Variants in RANBP9 observed in about 807,000 individuals in gnomAD.
RANBP9 encodes RAN binding protein 9.
Under a neutral mutation model 84.3 loss-of-function variants are expected in RANBP9, and 15 were observed. The observed-to-expected ratio is 0.18, with a 90% confidence interval of 0.12 to 0.27. The LOEUF is 0.27. Among genes scored for constraint, RANBP9 ranks in the 10% least tolerant of loss-of-function variants. RANBP9 has a pLI of 1.00. For synonymous variants in RANBP9, 392 were observed against 349.6 expected (o/e 1.12, Z -1.35); for missense variants, 809 against 912.8 (o/e 0.89, Z 1.46).
chr6:13,681,672 T>C (rs1376188146), intron 2 of RANBP9, among the ~76,000 whole-genome samples: 1 of 152,190 alleles, frequency 6.6e-6, no homozygotes, highest in Non-Finnish European at 1.5e-5. Context: ...CCCATCCCCA[T>C]TTAACCACTT....
At chr6:13,691,044 GT>G (rs1274123788) in intron 2 of RANBP9, among the ~76,000 whole-genome samples, 1 of 151,756 alleles carries the variant, frequency 6.6e-6, no homozygotes, top group Non-Finnish European at 1.5e-5. Flanking sequence ...GGGCATACCT[GT>G]AATCCCAGCT....
chr6:13,647,786 G>A (rs967160106), intron 5 of RANBP9, among the ~76,000 whole-genome samples: 6 of 152,068 alleles, frequency 3.9e-5, no homozygotes, highest in African/African-American at 1.2e-4. Context: ...GTAATATTAA[G>A]TCAGTTTTGG....
At chr6:13,652,619 G>A (rs752713382) in intron 5 of RANBP9, 40 bp downstream of exon 5, 2 of 1,520,052 alleles carry the variant, frequency 1.3e-6, no homozygotes, top group Non-Finnish European at 1.8e-6. Flanking sequence ...TATACTTCCT[G>A]TAATTAAAAA....
At chr6:13,705,393 C>A (rs1387646157) in intron 1 of RANBP9, among the ~76,000 whole-genome samples, 1 of 83,898 alleles carries the variant, frequency 1.2e-5, no homozygotes, top group Non-Finnish European at 2.1e-5. Context: ...GGCGACAGAG[C>A]AAGATTCTGT....
At chr6:13,697,646 C>T (rs180671771) in intron 1 of RANBP9, among the ~76,000 whole-genome samples, 52 of 152,310 alleles carry the variant, frequency 3.4e-4, no homozygotes, top group African/African-American at 5.1e-4. Context: ...ACAATCACTT[C>T]CCCTACCTCT....
intron 5 of RANBP9, among the ~76,000 whole-genome samples, chr6:13,647,509 C>A (rs1008120016): frequency 2.0e-5 from 3 of 152,072 alleles, no homozygotes; most frequent in Non-Finnish European, 2.9e-5. Flanking sequence ...ATGTCCTATA[C>A]ACACTAAAGC....
intron 2 of RANBP9, 129 bp downstream of exon 2, chr6:13,696,656 T>G (rs1757838713): frequency 2.9e-6 from 2 of 695,002 alleles, no homozygotes; most frequent in South Asian, 4.1e-5. Context: ...TCTGTTATAC[T>G]GAAATATTCA....
chr6:13,636,181 A>G (rs991601211), intron 10 of RANBP9, among the ~76,000 whole-genome samples: 3 of 152,172 alleles, frequency 2.0e-5, no homozygotes, highest in Non-Finnish European at 2.9e-5. Flanking sequence ...GGGAAAAAGC[A>G]CAAGTTTGCA....
intron 5 of RANBP9, among the ~76,000 whole-genome samples, chr6:13,649,182 T>C (rs1386104398): frequency 1.3e-5 from 2 of 152,126 alleles, no homozygotes; most frequent in African/African-American, 2.4e-5. Flanking sequence ...ATGAAGCCTA[T>C]GGAAGTCCCA....
chr6:13,662,356 T>C (rs2113291266), intron 2 of RANBP9, among the ~76,000 whole-genome samples: 1 of 152,266 alleles, frequency 6.6e-6, no homozygotes, highest in African/African-American at 2.4e-5. Context: ...AACCAGGTAC[T>C]GTTACAATGC....
chr6:13,633,928 A>AT (rs1385918929), intron 11 of RANBP9, among the ~76,000 whole-genome samples: 3 of 108,946 alleles, frequency 2.8e-5, no homozygotes, highest in Non-Finnish European at 1.8e-5. Flanking sequence ...GAGCCACATA[A>AT]TTTTTTTGTT....
In RANBP9 at chr6:13,625,672, A is replaced by G; in HGVS notation, c.2040T>C (p.Ala680=). ...DPIQREPVCS[A]LNSAILETHN... ...ACTTACCTAATATTGCACTGTTAAG[A>G]GCTGAGCACACAGGTTCTCTCTGAA... Residue 680 remains alanine (A), a synonymous_variant, in exon 13 of 14, where the codon GCT becomes GCC. Transcript: ENST00000011619. 1 of 1,610,040 alleles carries G rather than the reference A, an allele frequency of 6.2e-7. No homozygotes were observed.
Position 13,644,553 on chromosome 6 carries a change from C to A in RANBP9, c.1104G>T (p.Met368Ile). 1 of 1,610,474 alleles carries A rather than the reference C, an allele frequency of 6.2e-7. No individual in the cohort carries two copies. The highest frequency in any genetic ancestry group is 8.5e-7 in the Non-Finnish European group (1 of 1,178,646). Residue 368 changes from methionine to isoleucine, a missense_variant, in exon 6 of 14, where the codon ATG becomes ATT. Coordinates refer to ENST00000011619, the MANE Select transcript of RANBP9 (RefSeq NM_005493.3). ...IGDREGEWQT[M>I]IQKMVSSYLV... ...AATTTCTTCACTCTTACTTTTGTAT[C>A]ATGGTCTGCCATTCTCCTTCTCGAT... is the stretch of plus-strand genomic sequence containing the variant.
chr6:13,695,401 GTT>G (rs773285024), intron 2 of RANBP9, among the ~76,000 whole-genome samples: 151 of 84,810 alleles, frequency 1.8e-3, no homozygotes, highest in Admixed American at 2.9e-3. Context: ...CCAACCAAAT[GTT>G]TTTTTTTTTT....
At position 13,639,610 on chromosome 6, in the gene RANBP9, T is replaced by C. The variant is rs1466347098; in HGVS notation, c.1478A>G (p.Asn493Ser). 1.4e-5 allele frequency: 22 copies of C among 1,612,640 alleles called. No individual in the cohort carries two copies. Among genetic ancestry groups the C allele is most frequent in the Non-Finnish European group, 1.8e-5 (21 of 1,178,746 alleles). The part of the protein sequence containing the change: ...SPSMSPSHGM[N>S]IHNLASGKGS... The stretch of plus-strand genomic sequence containing the variant: ...TTTGCCTGATGCTAAATTGTGGATA[T>C]TCATTCCATGGCTGGGGCTCATACT... The change falls in exon 9 of 14, where the codon AAT becomes AGT. Residue 493 changes from asparagine to serine, a missense_variant. By Grantham distance (46) the Asn-to-Ser change is conservative. This residue lies in a region of RANBP9 where 216 missense variants were observed against 329.0 expected (regional missense o/e 0.66). Transcript: ENST00000011619.
intron 2 of RANBP9, among the ~76,000 whole-genome samples, chr6:13,691,091 C>G (rs904695671): frequency 6.6e-6 from 1 of 151,238 alleles, no homozygotes; most frequent in African/African-American, 2.4e-5. Context: ...TTCCTTGAAC[C>G]CAGGAGACAG....
chr6:13,635,496 G>A (rs1584914524), intron 10 of RANBP9, among the ~76,000 whole-genome samples: 1 of 148,702 alleles, frequency 6.7e-6, no homozygotes, highest in Non-Finnish European at 1.5e-5. Flanking sequence ...ATATTCAATT[G>A]TAGAAAAAAA....
intron 2 of RANBP9, among the ~76,000 whole-genome samples, chr6:13,679,809 C>G (rs116651395): frequency 6.6e-6 from 1 of 152,038 alleles, no homozygotes; most frequent in Non-Finnish European, 1.5e-5. Context: ...GACTGAGATG[C>G]GTTTTACTGT....
At chr6:13,678,396 GC>G (rs781234238) in intron 2 of RANBP9, among the ~76,000 whole-genome samples, 26 of 152,158 alleles carry the variant, frequency 1.7e-4, no homozygotes, top group Non-Finnish European at 3.7e-4. Flanking sequence ...TTATGTTTTG[GC>G]TTTTTAAAAG....
Sources: gnomAD v4.1 joint callset for allele counts (sites outside exome capture counted in the v4.1 genomes callset) on GRCh38, gnomAD v4.1.1 for gene constraint, gnomAD v4.1.1 regional missense constraint, MANE v1.5 for transcripts, NCBI Gene and HGNC (gene_info 2026-07-23, HGNC 2026-07-21) for gene names.